Variants in PCDHA5 observed in about 807,000 individuals in gnomAD.
PCDHA5 encodes protocadherin alpha-5.
Under a neutral mutation model 61.6 loss-of-function variants are expected in PCDHA5, and 43 were observed. That is an observed-to-expected ratio of 0.70 (90% CI 0.55 to 0.90). The LOEUF is 0.90. Ranked by LOEUF, PCDHA5 falls within the 40% of genes least tolerant of loss-of-function variation. The pLI is 0.00. For synonymous variants in PCDHA5, 627 were observed against 543.9 expected (o/e 1.15, Z -2.13); for missense variants, 1,298 against 1,222.7 (o/e 1.06, Z -0.92).
intron 1 of PCDHA5, chr5:140,834,282 AC>A (rs1772883613): frequency 8.7e-7 from 1 of 1,147,956 alleles, no homozygotes; most frequent in Non-Finnish European, 1.2e-6. Flanking sequence ...CTTTGGATGC[AC>A]AACAATGGCC....
intron 1 of PCDHA5, among the ~76,000 whole-genome samples, chr5:140,911,786 TG>T (rs1394803815): frequency 6.6e-6 from 1 of 152,212 alleles, no homozygotes; most frequent in Non-Finnish European, 1.5e-5. Flanking sequence ...TTAGCATTTT[TG>T]GGTCTAATCA....
chr5:140,886,455 A>G (rs1554182545), intron 1 of PCDHA5, among the ~76,000 whole-genome samples: 1 of 152,186 alleles, frequency 6.6e-6, no homozygotes, highest in African/African-American at 2.4e-5. Flanking sequence ...ATTTTGTCAT[A>G]TATAAATGTT....
rs370812126 is a variant in PCDHA5, at chr5:140,869,802, G to A, written c.2352+45675G>A. On this transcript the variant is annotated intron_variant, in intron 1 of 3. Coordinates refer to ENST00000529859, the MANE Select transcript of PCDHA5 (RefSeq NM_018908.3). ...CCGTTCGGCTGTTAGTCCAAGTCTT[G>A]GATGTCAACGACAATGATCCAGAGT... 12 of 1,612,438 alleles carry A rather than the reference G, an allele frequency of 7.4e-6. No homozygotes were observed. The African/African-American group carries it at 1.3e-4, about 18-fold the overall frequency.
intron 1 of PCDHA5, chr5:140,828,102 C>T: frequency 6.8e-6 from 11 of 1,608,522 alleles, no homozygotes; most frequent in Non-Finnish European, 9.3e-6. Flanking sequence ...ATGGTGTTTA[C>T]CCCGGAGGAT....
intron 1 of PCDHA5, among the ~76,000 whole-genome samples, chr5:140,932,902 T>C (rs1276238248): frequency 6.6e-6 from 1 of 152,002 alleles, no homozygotes; most frequent in Non-Finnish European, 1.5e-5. Context: ...AGGGAAACAA[T>C]AATATTTCAA....
At chr5:140,876,918 G>A (rs2056694252) in intron 1 of PCDHA5, 4 of 1,613,936 alleles carry the variant, frequency 2.5e-6, no homozygotes, top group East Asian at 2.2e-5. Context: ...CATGGGACGC[G>A]GACGCGCAGA....
intron 1 of PCDHA5, among the ~76,000 whole-genome samples, chr5:140,976,972 C>T (rs969505831): frequency 2.6e-5 from 4 of 152,182 alleles, no homozygotes; most frequent in Non-Finnish European, 5.9e-5. Flanking sequence ...TTCCTTTTCC[C>T]TGCCTGATCT....
chr5:140,868,853 G>C, intron 1 of PCDHA5: 1 of 466,576 alleles, frequency 2.1e-6, no homozygotes, highest in Non-Finnish European at 3.6e-6. Flanking sequence ...AAATTCTGTG[G>C]TGGTAAATGC....
At chr5:140,932,413 A>G (rs2088287956) in intron 1 of PCDHA5, among the ~76,000 whole-genome samples, 1 of 151,930 alleles carries the variant, frequency 6.6e-6, no homozygotes, top group Admixed American at 6.6e-5. Flanking sequence ...ATGTTATATT[A>G]GTGTATTGTT....
chr5:140,972,235 G>A (rs1368131761), intron 1 of PCDHA5, among the ~76,000 whole-genome samples: 2 of 151,838 alleles, frequency 1.3e-5, no homozygotes, highest in African/African-American at 4.8e-5. Context: ...GACCTTCTGG[G>A]CTCAAGCAAT....
chr5:140,883,065 C>T, intron 1 of PCDHA5: 1 of 1,614,056 alleles, frequency 6.2e-7, no homozygotes, highest in Non-Finnish European at 8.5e-7. Flanking sequence ...AAGCTAAATG[C>T]CACAGATCCT....
rs2052480735 is a variant in PCDHA5 at position 140,870,867 on chromosome 5, C to A, written c.2352+46740C>A. 5 of 1,613,908 alleles carry A rather than the reference C, an allele frequency of 3.1e-6. No individual in the cohort carries two copies. The East Asian group carries it at 8.9e-5, about 29-fold the overall frequency. ...TACCGCGGTCGGTGGGTGCGGGCCACGTGGTGGCGAAGGTGCGCGCAGTGG... is the reference window on the plus strand; with the variant it reads ...TACCGCGGTCGGTGGGTGCGGGCCAAGTGGTGGCGAAGGTGCGCGCAGTGG... On this transcript the variant is annotated intron_variant, in intron 1 of 3. Transcript: ENST00000529859.
chr5:140,923,468 G>A (rs2081380588), intron 1 of PCDHA5, among the ~76,000 whole-genome samples: 1 of 152,098 alleles, frequency 6.6e-6, no homozygotes, highest in Admixed American at 6.5e-5. Context: ...GGTAGGGGCT[G>A]CAGTGAGCCA....
At chr5:140,920,713 G>A (rs140720388) in intron 1 of PCDHA5, among the ~76,000 whole-genome samples, 41 of 152,140 alleles carry the variant, frequency 2.7e-4, no homozygotes, top group African/African-American at 9.6e-4. Context: ...GCATGGTGGT[G>A]TGCGCCTGCA....
Position 140,857,121 on chromosome 5 carries a change from T to C in PCDHA5, c.2352+32994T>C. 3.1e-6 allele frequency: 5 copies of C among 1,597,978 alleles called. 1 individual carries two copies. Among genetic ancestry groups the C allele is most frequent in the Non-Finnish European group, 4.3e-6 (5 of 1,167,600 alleles). ...ATTGTCACTTCTCTGTCTCTCCCAG[T>C]GAAAGAAGATGCTCAAGTGGGCACC... On this transcript the variant is annotated intron_variant, in intron 1 of 3. Transcript: ENST00000529859.
intron 1 of PCDHA5, among the ~76,000 whole-genome samples, chr5:140,889,948 A>G (rs956594809): frequency 6.6e-6 from 1 of 152,194 alleles, no homozygotes; most frequent in Admixed American, 6.6e-5. Flanking sequence ...TGAGAAGCCA[A>G]ATGGATAGAA....
rs1006692100 is a variant in PCDHA5 at position 140,968,013 on chromosome 5, G to A, written c.2353-10936G>A. Reference sequence around the variant, plus strand: ...CTGCCTTTCCGACTGAATGGCTTTGGAAACTCCTATACACTGGTGGTGAGC... The same window carrying A: ...CTGCCTTTCCGACTGAATGGCTTTGAAAACTCCTATACACTGGTGGTGAGC... On this transcript the variant is annotated intron_variant, in intron 1 of 3. Coordinates refer to ENST00000529859, the MANE Select transcript of PCDHA5 (RefSeq NM_018908.3). 2.5e-6 allele frequency: 4 copies of A among 1,614,066 alleles called. No individual in the cohort carries two copies. The African/African-American group carries it at 4.0e-5, about 16-fold the overall frequency.
rs573174481 is a variant in PCDHA5 at position 140,990,482 on chromosome 5, T to C, written c.2500+7919T>C. Among the ~76,000 whole-genome samples, 3 of 152,318 alleles carry C rather than the reference T, an allele frequency of 2.0e-5. No homozygotes were observed. In the South Asian group the frequency reaches 6.2e-4, roughly 32 times the overall value. On this transcript the variant is annotated intron_variant, in intron 3 of 3. Transcript: ENST00000529859. ...AGGTGGTATCATGTATCAAGCTGAA[T>C]AGTGAGGTGACATTCCCCAAGTCTT... is the stretch of plus-strand genomic sequence containing the variant.
At chr5:140,877,649 C>A (rs369703340) in intron 1 of PCDHA5, 1 of 1,613,438 alleles carries the variant, frequency 6.2e-7, no homozygotes, top group Non-Finnish European at 8.5e-7. Context: ...TGCTCAGCGC[C>A]GCCCACCGTG....
Sources: gnomAD v4.1 joint callset for allele counts (sites outside exome capture counted in the v4.1 genomes callset) on GRCh38, gnomAD v4.1.1 for gene constraint, MANE v1.5 for transcripts, NCBI Gene and HGNC (gene_info 2026-07-23, HGNC 2026-07-21) for gene names.